Variants in DGKI observed in about 807,000 individuals in gnomAD.
DGKI encodes diacylglycerol kinase iota.
DGKI carries 55 observed loss-of-function variants against 147.5 expected under a neutral mutation model. The ratio of observed to expected loss-of-function variants is 0.37; its 90% CI spans 0.30 to 0.47. The LOEUF is 0.47. Ranked by LOEUF, DGKI falls within the 20% of genes least tolerant of loss-of-function variation. DGKI has a pLI of 1.00. For synonymous variants in DGKI, 469 were observed against 477.1 expected (o/e 0.98, Z 0.22); for missense variants, 1,007 against 1,323.8 (o/e 0.76, Z 3.71).
intron 21 of DGKI, among the ~76,000 whole-genome samples, chr7:137,494,024 G>A (rs569417884): frequency 6.6e-6 from 1 of 152,170 alleles, no homozygotes; most frequent in Admixed American, 6.5e-5. Context: ...AAGAATTTCA[G>A]AATACAACTG....
chr7:137,459,175 C>T (rs1285555159), intron 27 of DGKI, among the ~76,000 whole-genome samples: 1 of 151,944 alleles, frequency 6.6e-6, no homozygotes, highest in Non-Finnish European at 1.5e-5. Context: ...CTAATTCATC[C>T]TTTTTATACT....
chr7:137,416,568 C>T (rs904099048), intron 28 of DGKI, among the ~76,000 whole-genome samples: 17 of 152,190 alleles, frequency 1.1e-4, no homozygotes, highest in African/African-American at 4.1e-4. Flanking sequence ...AGATAAGGCA[C>T]TTAAATTTTA....
chr7:137,394,600 T>C (rs1811480959), intron 32 of DGKI, among the ~76,000 whole-genome samples: 1 of 152,102 alleles, frequency 6.6e-6, no homozygotes, highest in African/African-American at 2.4e-5. Flanking sequence ...CTAAACAGAG[T>C]TTCCCCTAAG....
intron 29 of DGKI, among the ~76,000 whole-genome samples, chr7:137,408,295 C>T (rs536698181): frequency 1.3e-5 from 2 of 152,250 alleles, no homozygotes; most frequent in South Asian, 2.1e-4. Context: ...GTCTCTCTCT[C>T]GAAGGAGTAG....
At chr7:137,415,685 A>G (rs1221103768) in intron 28 of DGKI, among the ~76,000 whole-genome samples, 1 of 152,232 alleles carries the variant, frequency 6.6e-6, no homozygotes, top group Non-Finnish European at 1.5e-5. Flanking sequence ...AGTTCAAAAC[A>G]TAGCCTATGT....
intron 1 of DGKI, among the ~76,000 whole-genome samples, chr7:137,810,694 G>A (rs1797536413): frequency 6.6e-6 from 1 of 152,120 alleles, no homozygotes; most frequent in African/African-American, 2.4e-5. Context: ...GACCCAGGCT[G>A]ACAATTAAGA....
chr7:137,450,157 C>A (rs557226932), intron 27 of DGKI, among the ~76,000 whole-genome samples: 2 of 152,092 alleles, frequency 1.3e-5, no homozygotes, highest in African/African-American at 4.8e-5. Flanking sequence ...GGGAGACATG[C>A]TCTTCAAAGT....
At chr7:137,680,831 G>A (rs1033731114) in intron 2 of DGKI, among the ~76,000 whole-genome samples, 21 of 152,210 alleles carry the variant, frequency 1.4e-4, no homozygotes, top group South Asian at 4.1e-4. Flanking sequence ...CATTTGCTGG[G>A]AAAAAATACC....
chr7:137,534,064 TATA>T (rs751751302), intron 20 of DGKI, among the ~76,000 whole-genome samples: 5 of 152,128 alleles, frequency 3.3e-5, no homozygotes, highest in African/African-American at 7.2e-5. Flanking sequence ...GTGGAATTGG[TATA>T]ATTAAATTGA....
At chr7:137,579,723 A>G (rs753374092) in intron 15 of DGKI, among the ~76,000 whole-genome samples, 4 of 152,170 alleles carry the variant, frequency 2.6e-5, no homozygotes, top group Admixed American at 6.6e-5. Flanking sequence ...GCTCTGATTT[A>G]CATGCAGGGG....
intron 13 of DGKI, among the ~76,000 whole-genome samples, chr7:137,585,913 C>T (rs577715761): frequency 6.6e-5 from 10 of 152,234 alleles, no homozygotes; most frequent in African/African-American, 2.4e-4. Context: ...ATAGACTGTC[C>T]TCAATAGGAT....
chr7:137,813,684 T>C (rs1410354613), intron 1 of DGKI, among the ~76,000 whole-genome samples: 1 of 152,214 alleles, frequency 6.6e-6, no homozygotes. Flanking sequence ...TGACTGGAAG[T>C]CCTTAGCTAT....
intron 21 of DGKI, chr7:137,493,827 T>G: frequency 1.4e-6 from 1 of 700,206 alleles, no homozygotes; most frequent in Non-Finnish European, 2.6e-6. Flanking sequence ...TCTTAACCAG[T>G]CTGAAATAGC....
At position 137,487,529 on chromosome 7, in the gene DGKI, C is replaced by T. The variant is rs950928871; in HGVS notation, c.2328+81G>A. The stretch of plus-strand genomic sequence containing the variant: ...CACTTCCTCTCCAAATGCATCATTT[C>T]AGAAGCAAATATATATGGCTGGTAA... On this transcript the variant is annotated intron_variant, in intron 22 of 32. Transcript: ENST00000614521. 1.7e-5 allele frequency: 22 copies of T among 1,276,040 alleles called. No individual in the cohort carries two copies. The African/African-American group carries it at 3.2e-4, about 19-fold the overall frequency. 79.0% of individuals were successfully genotyped at this position (1,276,040 alleles called of 1,614,324 possible).
At chr7:137,781,897 T>C (rs969771269) in intron 1 of DGKI, among the ~76,000 whole-genome samples, 4 of 152,228 alleles carry the variant, frequency 2.6e-5, no homozygotes, top group East Asian at 1.9e-4. Context: ...ATTTTAATCA[T>C]AGCAGTGATT....
chr7:137,717,930 C>T (rs898827028), intron 1 of DGKI, among the ~76,000 whole-genome samples: 13 of 152,156 alleles, frequency 8.5e-5, no homozygotes, highest in Admixed American at 3.3e-4. Flanking sequence ...TTGCAAATTA[C>T]ACAACCCACC....
chr7:137,570,446 G>A (rs1301878679), intron 19 of DGKI, among the ~76,000 whole-genome samples: 6 of 152,144 alleles, frequency 3.9e-5, no homozygotes, highest in Non-Finnish European at 8.8e-5. Flanking sequence ...TTGTGATAAT[G>A]GAGATGATCA....
intron 3 of DGKI, among the ~76,000 whole-genome samples, chr7:137,675,012 C>T (rs1822981359): frequency 6.6e-6 from 1 of 152,124 alleles, no homozygotes; most frequent in Non-Finnish European, 1.5e-5. Flanking sequence ...TAGTCCCAGC[C>T]CCAACAGGTA....
At chr7:137,669,824 C>A (rs1212841268) in intron 3 of DGKI, among the ~76,000 whole-genome samples, 1 of 152,134 alleles carries the variant, frequency 6.6e-6, no homozygotes, top group Admixed American at 6.5e-5. Flanking sequence ...AAGTGAACAA[C>A]CCAACCCAAT....
Sources: gnomAD v4.1 joint callset for allele counts (sites outside exome capture counted in the v4.1 genomes callset) on GRCh38, gnomAD v4.1.1 for gene constraint, MANE v1.5 for transcripts, NCBI Gene and HGNC (gene_info 2026-07-23, HGNC 2026-07-21) for gene names.